The following TNRC6B variants were observed in gnomAD, a reference collection of about 807,000 sequenced individuals.
TNRC6B encodes the protein trinucleotide repeat-containing gene 6B protein.
A neutral mutation model predicts 203.6 loss-of-function variants in TNRC6B; 52 were observed. That is an observed-to-expected ratio of 0.26 (90% CI 0.20 to 0.32). The LOEUF (loss-of-function observed/expected upper bound fraction) is 0.32, where lower values mean the gene tolerates loss of function less well. Among genes scored for constraint, TNRC6B ranks in the 10% least tolerant of loss-of-function variants. TNRC6B has a pLI of 1.00. For missense variants in TNRC6B, 1,923 were observed against 2,286.2 expected (o/e 0.84, Z 3.24); for synonymous variants, 838 against 845.7 (o/e 0.99, Z 0.16).
At chr22:40,135,991 T>A (rs943614855) in intron 3 of TNRC6B, among the ~76,000 whole-genome samples, 1 of 152,130 alleles carries the variant, frequency 6.6e-6, no homozygotes, top group African/African-American at 2.4e-5. Flanking sequence ...TTCCATTGGG[T>A]CCTGAGTTCT....
At chr22:40,126,457 AC>A (rs1354106931) in intron 3 of TNRC6B, among the ~76,000 whole-genome samples, 1 of 151,332 alleles carries the variant, frequency 6.6e-6, no homozygotes, top group Non-Finnish European at 1.5e-5. Context: ...GTCCACATGT[AC>A]CCAGTGTTTA....
At chr22:40,270,066 A>T in intron 5 of TNRC6B, 56 bp from the exon 6 acceptor site, 1 of 1,531,484 alleles carries the variant, frequency 6.5e-7, no homozygotes, top group African/African-American at 1.4e-5. Flanking sequence ...ACCCCACTGG[A>T]TATTATGGCA....
chr22:40,219,938 G>A (rs977868348), intron 1 of TNRC6B, among the ~76,000 whole-genome samples: 5 of 152,178 alleles, frequency 3.3e-5, no homozygotes, highest in African/African-American at 9.7e-5. Context: ...TGAGTACCCA[G>A]AACAAAGCGT....
intron 1 of TNRC6B, among the ~76,000 whole-genome samples, chr22:40,069,580 TAG>T (rs895106157): frequency 1.3e-5 from 2 of 151,404 alleles, no homozygotes; most frequent in African/African-American, 4.9e-5. Context: ...CTCCGCCTCC[TAG>T]GTTCAGGCGA....
intron 19 of TNRC6B, among the ~76,000 whole-genome samples, chr22:40,313,279 A>G (rs565451560): frequency 2.0e-5 from 3 of 152,176 alleles, no homozygotes; most frequent in Non-Finnish European, 4.4e-5. Context: ...AATGACACAC[A>G]TGCTTCTCTT....
chr22:40,175,766 A>G (rs1192843598), upstream of TNRC6B, among the ~76,000 whole-genome samples: 2 of 152,248 alleles, frequency 1.3e-5, no homozygotes, highest in East Asian at 3.8e-4. Flanking sequence ...TATTTCACTC[A>G]GTGCTAGGCA....
intron 5 of TNRC6B, among the ~76,000 whole-genome samples, chr22:40,268,674 G>T (rs9611304): frequency 0.32 from 48,446 of 151,766 alleles, 9,514 homozygotes; most frequent in East Asian, 0.57. Context: ...CACTTTGGGA[G>T]GCCGAGGCGG....
chr22:40,321,015 T>C (rs2071327520), intron 21 of TNRC6B, 75 bp from the exon 22 acceptor site: 1 of 1,564,824 alleles, frequency 6.4e-7, no homozygotes, highest in South Asian at 1.1e-5. Flanking sequence ...TCTCAGCCAG[T>C]GCTTTGAATA....
chr22:40,087,917 A>C (rs1189247117), intron 1 of TNRC6B, among the ~76,000 whole-genome samples: 2 of 151,836 alleles, frequency 1.3e-5, no homozygotes, highest in African/African-American at 4.8e-5. Flanking sequence ...CAGACATAAT[A>C]CTTTTCAGGA....
chr22:40,081,026 T>C (rs1257655708), intron 1 of TNRC6B, among the ~76,000 whole-genome samples: 2 of 152,070 alleles, frequency 1.3e-5, no homozygotes, highest in African/African-American at 2.4e-5. Flanking sequence ...TGGCTAATTT[T>C]TGCATTTTTA....
At chr22:40,082,937 G>T (rs1275536194) in intron 1 of TNRC6B, among the ~76,000 whole-genome samples, 1 of 152,204 alleles carries the variant, frequency 6.6e-6, no homozygotes, top group African/African-American at 2.4e-5. Flanking sequence ...ATGCTTTGGG[G>T]CACCCAAGTG....
intron 3 of TNRC6B, among the ~76,000 whole-genome samples, chr22:40,133,125 A>G (rs1011668655): frequency 8.6e-5 from 13 of 151,394 alleles, no homozygotes; most frequent in African/African-American, 2.7e-4. Flanking sequence ...AGATACTACT[A>G]TTTTATCTGT....
chr22:40,268,692 A>T (rs1373675202), intron 5 of TNRC6B, among the ~76,000 whole-genome samples: 2 of 152,030 alleles, frequency 1.3e-5, no homozygotes, highest in East Asian at 3.9e-4. Flanking sequence ...CGGACAGATC[A>T]TGAGGTCAGG....
At chr22:40,170,028 G>A (rs1486355300) in intron 4 of TNRC6B, among the ~76,000 whole-genome samples, 1 of 151,436 alleles carries the variant, frequency 6.6e-6, no homozygotes, top group African/African-American at 2.4e-5. Flanking sequence ...GCCTATAATC[G>A]TGGCACTTTG....
chr22:40,193,651 C>T (rs1328005273), intron 1 of TNRC6B, among the ~76,000 whole-genome samples: 2 of 152,130 alleles, frequency 1.3e-5, no homozygotes, highest in African/African-American at 2.4e-5. Context: ...GAGAAGAGAC[C>T]TGAGGCATGG....
At position 40,281,219 on chromosome 22, in the gene TNRC6B, C is replaced by G; in HGVS notation, c.3512C>G (p.Ser1171Cys). 7 of 1,551,644 alleles carry G rather than the reference C, an allele frequency of 4.5e-6. No homozygotes were observed. The highest frequency in any genetic ancestry group is 6.1e-6 in the Non-Finnish European group (7 of 1,146,948). ...AGCTACAAGCTGTCTCCCTCTGGTT[C>G]CACACTACCCAACGTCAGCCTTGGA... Reference protein sequence around the residue: ...SPSYKLSPSGSTLPNVSLGAI... With the variant: ...SPSYKLSPSGCTLPNVSLGAI... Residue 1171 changes from serine (S) to cysteine (C), a missense_variant, in exon 11 of 23, where the codon TCC (serine) becomes TGC (cysteine). Around this residue, in one of 8 missense-constraint regions of TNRC6B, gnomAD observed 599 missense variants for 656.5 expected, o/e 0.91. Coordinates refer to ENST00000454349, the MANE Select transcript of TNRC6B (RefSeq NM_001162501.2).
chr22:40,293,263 G>T (rs1300618064), intron 12 of TNRC6B, among the ~76,000 whole-genome samples: 2 of 134,686 alleles, frequency 1.5e-5, no homozygotes, highest in African/African-American at 5.4e-5. Context: ...TGGCGTGATC[G>T]CAGCTTACTG....
At chr22:40,295,750 A>C (rs1426880453) in intron 12 of TNRC6B, among the ~76,000 whole-genome samples, 2 of 152,208 alleles carry the variant, frequency 1.3e-5, no homozygotes, top group Non-Finnish European at 2.9e-5. Context: ...GAGGTAGATT[A>C]AAAGAACCTT....
chr22:40,143,466 A>G (rs1200067549), intron 3 of TNRC6B, among the ~76,000 whole-genome samples: 1 of 151,982 alleles, frequency 6.6e-6, no homozygotes, highest in Admixed American at 6.6e-5. Context: ...GGAAAACTAT[A>G]GATTGGGAAA....
Sources: allele counts gnomAD v4.1 joint callset (sites outside exome capture counted in the v4.1 genomes callset), GRCh38; gene constraint gnomAD v4.1.1; regional missense constraint gnomAD v4.1.1; transcripts MANE v1.5; gene names NCBI Gene and HGNC (gene_info 2026-07-23, HGNC 2026-07-21).